The following SYNE2 variants were observed in gnomAD, a reference collection of about 807,000 sequenced individuals.
The protein encoded by SYNE2 is spectrin repeat containing nuclear envelope protein 2.
Under a neutral mutation model 856.3 loss-of-function variants are expected in SYNE2, and 431 were observed. The ratio of observed to expected loss-of-function variants is 0.50; its 90% CI spans 0.47 to 0.55. The LOEUF is 0.55. Among genes scored for constraint, SYNE2 ranks in the 20% least tolerant of loss-of-function variants. The pLI is 0.00. For synonymous variants in SYNE2, 2,923 were observed against 2,872.3 expected, an observed-to-expected ratio of 1.02 and a Z score of -0.56; for missense variants, 8,129 against 8,023.2, an observed-to-expected ratio of 1.01 and a Z score of -0.50.
At chr14:63,807,386 A>G (rs1888402253) in intron 1 of SYNE2, among the ~76,000 whole-genome samples, 1 of 151,820 alleles carries the variant, frequency 6.6e-6, no homozygotes, top group Non-Finnish European at 1.5e-5. Context: ...GTGGAATGAC[A>G]GGTTGTTTCA....
chr14:64,144,183 G>A (rs1329110540), intron 83 of SYNE2, among the ~76,000 whole-genome samples: 1 of 152,188 alleles, frequency 6.6e-6, no homozygotes, highest in African/African-American at 2.4e-5. Context: ...GGCAAGTGAA[G>A]ATGAGGAATT....
intron 1 of SYNE2, among the ~76,000 whole-genome samples, chr14:63,817,125 C>A (rs1336819592): frequency 2.6e-5 from 4 of 152,148 alleles, no homozygotes; most frequent in African/African-American, 9.7e-5. Context: ...AGTTCTCTTG[C>A]AAAGCCTTAG....
Position 64,072,152 on chromosome 14 carries a change from G to A in SYNE2, c.10697+1242G>A, listed in dbSNP as rs147002388. Among the ~76,000 whole-genome samples, 720 of 152,114 alleles carry A rather than the reference G, an allele frequency of 4.7e-3. 4 individuals carry two copies. The highest frequency in any genetic ancestry group is 8.6e-3 in the Non-Finnish European group (586 of 67,998). On this transcript the variant is annotated intron_variant, in intron 52 of 115. Coordinates refer to ENST00000555002, the MANE Select transcript of SYNE2 (RefSeq NM_182914.3). The stretch of plus-strand genomic sequence containing the variant: ...ACAACACTGCAGTGAATATTCTTAT[G>A]CCAGAATCTATATTTTCATCTGTGA...
rs761377302 is a variant in SYNE2, at chr14:64,139,955, C to G, written c.14858C>G (p.Ser4953Trp). The change falls in exon 80 of 116, where the codon TCG becomes TGG. Residue 4953 changes from serine to tryptophan, a missense_variant. By Grantham distance (177) the Ser-to-Trp change is radical. Transcript: ENST00000555002. ...LKHLLSYNRD[S>W]DQLTKWLESS... ...GCTCCTGTTAGTTATAACAGAGATTCGGATCAGTTAACCAAGTGGTTGGAA... is the reference window on the plus strand; with the variant it reads ...GCTCCTGTTAGTTATAACAGAGATTGGGATCAGTTAACCAAGTGGTTGGAA... 6.2e-7 allele frequency: 1 copy of G among 1,613,982 alleles called. No homozygotes were observed. The highest frequency in any genetic ancestry group is 8.5e-7 in the Non-Finnish European group (1 of 1,179,970).
At chr14:63,986,903 A>G (rs888145969) in intron 19 of SYNE2, among the ~76,000 whole-genome samples, 1 of 152,162 alleles carries the variant, frequency 6.6e-6, no homozygotes, top group African/African-American at 2.4e-5. Context: ...CCAGAGGACA[A>G]TGAGGAGACG....
intron 2 of SYNE2, among the ~76,000 whole-genome samples, chr14:63,912,197 T>A (rs997274775): frequency 1.3e-5 from 2 of 152,156 alleles, no homozygotes; most frequent in Middle Eastern, 3.2e-3. Flanking sequence ...TTAAGCTCCA[T>A]ATTGTTATCA....
Position 64,048,151 on chromosome 14 carries a change from T to G in SYNE2, c.7373T>G (p.Ile2458Arg), listed in dbSNP as rs758357061. 1.2e-6 allele frequency: 2 copies of G among 1,612,706 alleles called. No individual in the cohort carries two copies. Among genetic ancestry groups the G allele is most frequent in the South Asian group, 1.1e-5 (1 of 91,000 alleles). ...TTAAGAAATGAACAATTAGAAGAGA[T>G]AGAGGTATGGAAACATAAAAACACT... ...TMLRNEQLEE[I>R]EKLYTQLEAK... Residue 2458 changes from isoleucine to arginine, a missense_variant, in exon 46 of 116, where the codon ATA becomes AGA. This residue lies in a region of SYNE2 where 5,410 missense variants were observed against 5,284.8 expected (regional missense o/e 1.02). Coordinates refer to ENST00000555002, the MANE Select transcript of SYNE2 (RefSeq NM_182914.3).
At chr14:64,163,885 A>G (rs993405509) in intron 89 of SYNE2, among the ~76,000 whole-genome samples, 1 of 152,194 alleles carries the variant, frequency 6.6e-6, no homozygotes, top group Non-Finnish European at 1.5e-5. Flanking sequence ...GTAGCTGCTT[A>G]AAGCATGATG....
chr14:63,864,105 G>A (rs903986586), intron 1 of SYNE2, among the ~76,000 whole-genome samples: 2 of 152,182 alleles, frequency 1.3e-5, no homozygotes, highest in East Asian at 1.9e-4. Context: ...GAGCCACGGC[G>A]CCTGGCCAAG....
intron 87 of SYNE2, among the ~76,000 whole-genome samples, chr14:64,161,076 G>T (rs1442808491): frequency 6.6e-6 from 1 of 152,186 alleles, no homozygotes; most frequent in African/African-American, 2.4e-5. Context: ...AGGCATAGTG[G>T]CTCATGCCTG....
chr14:64,026,636 G>T lies in SYNE2; in HGVS notation c.6310G>T (p.Ala2104Ser). The T allele has an allele frequency of 6.2e-7, 1 of 1,613,682 alleles. No individual in the cohort carries two copies. Among genetic ancestry groups the T allele is most frequent in the Non-Finnish European group, 8.5e-7 (1 of 1,179,766 alleles). The change falls in exon 42 of 116, where the codon GCT becomes TCT. Residue 2104 changes from alanine to serine, a missense_variant. Transcript: ENST00000555002. ...CAGAATAGAGACCATCATGAAGCAG[G>T]CTGAGAGCAGCGAGGCCCCGCTGGT... ...DARIETIMKQAESSEAPLVQK... is the reference protein window; with the variant it reads ...DARIETIMKQSESSEAPLVQK...
intron 61 of SYNE2, among the ~76,000 whole-genome samples, chr14:64,096,402 T>C (rs76656506): frequency 0.041 from 6,217 of 152,284 alleles, 176 homozygotes; most frequent in East Asian, 0.16. Flanking sequence ...TTTAGTATTA[T>C]GAAAATGATC....
intron 1 of SYNE2, among the ~76,000 whole-genome samples, chr14:63,782,759 G>C: frequency 6.6e-6 from 1 of 151,814 alleles, no homozygotes. Context: ...GCCAAAACTA[G>C]TGGGTAAAAC....
intron 66 of SYNE2, among the ~76,000 whole-genome samples, chr14:64,118,239 G>A (rs1355641144): frequency 2.6e-5 from 4 of 152,270 alleles, no homozygotes; most frequent in South Asian, 4.1e-4. Flanking sequence ...TGCTGCTGAC[G>A]TGAGTGCCCA....
intron 48 of SYNE2, among the ~76,000 whole-genome samples, chr14:64,055,216 A>G (rs2153579554): frequency 6.6e-6 from 1 of 152,314 alleles, no homozygotes; most frequent in East Asian, 1.9e-4. Flanking sequence ...ACAAATACTG[A>G]TTAAGGTTAT....
intron 1 of SYNE2, among the ~76,000 whole-genome samples, chr14:63,827,625 C>CAAAAAAAAAAAAA (rs11334415): frequency 7.8e-4 from 22 of 28,368 alleles, no homozygotes; most frequent in Admixed American, 1.7e-3. Flanking sequence ...AACTCTGTCT[C>CAAAAAAAAAAAAA]AAAAAAAAAA....
chr14:64,182,763 T>G (rs1310701882), intron 96 of SYNE2, among the ~76,000 whole-genome samples: 7 of 152,228 alleles, frequency 4.6e-5, no homozygotes, highest in Non-Finnish European at 1.0e-4. Flanking sequence ...CAGAACAAAA[T>G]GGAGTCTCCT....
intron 1 of SYNE2, among the ~76,000 whole-genome samples, chr14:63,768,189 C>CAA (rs879394744): frequency 7.3e-6 from 1 of 137,052 alleles, no homozygotes. Flanking sequence ...GACCATGTCT[C>CAA]AAAAAAAAAA....
intron 31 of SYNE2, among the ~76,000 whole-genome samples, chr14:64,008,793 CT>C (rs2096820988): frequency 1.3e-5 from 2 of 152,154 alleles, no homozygotes; most frequent in Non-Finnish European, 2.9e-5. Context: ...CACCATCCCG[CT>C]TTGTTTCCGC....
Sources: allele counts gnomAD v4.1 joint callset (sites outside exome capture counted in the v4.1 genomes callset), GRCh38; gene constraint gnomAD v4.1.1; regional missense constraint gnomAD v4.1.1; transcripts MANE v1.5; gene names NCBI Gene and HGNC (gene_info 2026-07-23, HGNC 2026-07-21).